The following MDGA2 variants were observed in gnomAD, a reference collection of about 807,000 sequenced individuals.
MDGA2 encodes the protein MAM domain containing glycosylphosphatidylinositol anchor 2.
MDGA2 carries 40 observed loss-of-function variants against 117.8 expected under a neutral mutation model. The ratio of observed to expected loss-of-function variants is 0.34; its 90% CI spans 0.26 to 0.44. The LOEUF (loss-of-function observed/expected upper bound fraction) is 0.44, where lower values mean the gene tolerates loss of function less well. Ranked by LOEUF, MDGA2 falls within the 20% of genes least tolerant of loss-of-function variation. The pLI is 1.00. For missense variants in MDGA2, 1,123 were observed against 1,250.6 expected, an observed-to-expected ratio of 0.90 and a Z score of 1.54; for synonymous variants, 452 against 439.0, an observed-to-expected ratio of 1.03 and a Z score of -0.37.
At chr14:47,111,759 G>T (rs1881050172) in intron 5 of MDGA2, among the ~76,000 whole-genome samples, 1 of 152,076 alleles carries the variant, frequency 6.6e-6, no homozygotes, top group South Asian at 2.1e-4. Flanking sequence ...CTGCCAGCAA[G>T]AAAAGAGTGA....
chr14:47,275,864 G>T (rs1456024388), intron 2 of MDGA2, among the ~76,000 whole-genome samples: 1 of 152,096 alleles, frequency 6.6e-6, no homozygotes, highest in African/African-American at 2.4e-5. Context: ...ATGAGCCAAG[G>T]TCTAAGAGTT....
intron 2 of MDGA2, among the ~76,000 whole-genome samples, chr14:47,225,707 A>C (rs1323115656): frequency 2.0e-5 from 3 of 151,984 alleles, no homozygotes; most frequent in Non-Finnish European, 4.4e-5. Context: ...GATATACCTA[A>C]TGCTAAATGA....
At chr14:47,379,080 G>T (rs1210731650) in intron 1 of MDGA2, among the ~76,000 whole-genome samples, 5 of 152,184 alleles carry the variant, frequency 3.3e-5, no homozygotes, top group Admixed American at 6.5e-5. Context: ...TTAAAGAAAA[G>T]AATTTTCAAC....
intron 2 of MDGA2, among the ~76,000 whole-genome samples, chr14:47,277,429 C>T (rs1888343102): frequency 6.6e-6 from 1 of 152,168 alleles, no homozygotes; most frequent in Non-Finnish European, 1.5e-5. Flanking sequence ...TAGCAATGCT[C>T]TAGCAGATAT....
chr14:47,557,886 T>A (rs11157563), intron 1 of MDGA2, among the ~76,000 whole-genome samples: 47,961 of 152,084 alleles, frequency 0.32, 8,460 homozygotes, highest in East Asian at 0.57. Flanking sequence ...CCTCTCCACA[T>A]TGTTATATAA....
chr14:47,319,113 T>C (rs889838566), intron 1 of MDGA2, among the ~76,000 whole-genome samples: 1 of 152,210 alleles, frequency 6.6e-6, no homozygotes, highest in Admixed American at 6.5e-5. Flanking sequence ...ATGCACATTA[T>C]GATTGTATTA....
chr14:46,979,980 G>A (rs1406987137), intron 8 of MDGA2, among the ~76,000 whole-genome samples: 1 of 152,164 alleles, frequency 6.6e-6, no homozygotes, highest in Non-Finnish European at 1.5e-5. Context: ...AAGAGGAGAA[G>A]TCAATGCATG....
chr14:47,099,614 T>G (rs1264630347), intron 5 of MDGA2, among the ~76,000 whole-genome samples: 1 of 151,906 alleles, frequency 6.6e-6, no homozygotes, highest in Non-Finnish European at 1.5e-5. Context: ...AAAAGTGTCA[T>G]GATTGCATTC....
chr14:47,454,289 C>T (rs1893301971), intron 1 of MDGA2, among the ~76,000 whole-genome samples: 2 of 152,180 alleles, frequency 1.3e-5, no homozygotes, highest in South Asian at 4.1e-4. Context: ...TTCTCTTTCC[C>T]TCTGAACTGC....
Position 47,130,521 on chromosome 14 carries a change from G to A in MDGA2, c.925+1193C>T, listed in dbSNP as rs576095508. 6.6e-5 allele frequency among the ~76,000 whole-genome samples: 10 copies of A among 152,206 alleles called. No individual in the cohort carries two copies. In the South Asian group the frequency reaches 1.9e-3, roughly 28 times the overall value. On this transcript the variant is annotated intron_variant, in intron 5 of 16. Coordinates refer to ENST00000399232, the MANE Select transcript of MDGA2 (RefSeq NM_001113498.3). ...GAACATTTTGAAATCTTGGCAACTC[G>A]ATGGAACACATGTTGATGAACCAAT...
intron 6 of MDGA2, among the ~76,000 whole-genome samples, chr14:47,089,538 G>T (rs868544614): frequency 3.5e-4 from 54 of 152,118 alleles, no homozygotes; most frequent in African/African-American, 1.1e-3. Context: ...GCCACACCAG[G>T]CTAATTTCTG....
chr14:47,006,727 AT>A (rs1566571106), intron 8 of MDGA2, among the ~76,000 whole-genome samples: 3 of 151,554 alleles, frequency 2.0e-5, no homozygotes, highest in Admixed American at 2.0e-4. Flanking sequence ...ATTTTCTATT[AT>A]TTTTTAAGCT....
chr14:47,472,395 G>T (rs1216413371), intron 1 of MDGA2, among the ~76,000 whole-genome samples: 1 of 152,160 alleles, frequency 6.6e-6, no homozygotes, highest in African/African-American at 2.4e-5. Flanking sequence ...AATCTGTGCA[G>T]CAAGTTACTG....
At chr14:47,507,301 C>T (rs1894533458) in intron 1 of MDGA2, among the ~76,000 whole-genome samples, 1 of 151,912 alleles carries the variant, frequency 6.6e-6, no homozygotes, top group Admixed American at 6.6e-5. Flanking sequence ...ATTTAGAAGA[C>T]AGAATTATGA....
chr14:47,068,324 G>A (rs1338491380), intron 6 of MDGA2, among the ~76,000 whole-genome samples: 1 of 150,944 alleles, frequency 6.6e-6, no homozygotes, highest in Non-Finnish European at 1.5e-5. Context: ...TCTTAAGAAG[G>A]GGGAAAAAGT....
chr14:46,989,977 A>G (rs1887022359), intron 8 of MDGA2, among the ~76,000 whole-genome samples: 1 of 152,140 alleles, frequency 6.6e-6, no homozygotes, highest in African/African-American at 2.4e-5. Context: ...TATACAACAA[A>G]GTATTTGCTT....
Position 47,523,565 on chromosome 14 carries a change from C to T in MDGA2, c.280+150952G>A, listed in dbSNP as rs532999576. Among the ~76,000 whole-genome samples, 11 of 152,008 alleles carry T rather than the reference C, an allele frequency of 7.2e-5. No individual in the cohort carries two copies. In the South Asian group the frequency reaches 1.5e-3, roughly 20 times the overall value. On this transcript the variant is annotated intron_variant, in intron 1 of 16. Coordinates refer to ENST00000399232, the MANE Select transcript of MDGA2 (RefSeq NM_001113498.3). ...GATCCATGGAATCTTCAGGTTGTCT[C>T]GATATAAATTCAAATGAAACTGTGA...
chr14:47,577,702 T>A (rs4900785), intron 1 of MDGA2, among the ~76,000 whole-genome samples: 42,490 of 152,074 alleles, frequency 0.28, 6,496 homozygotes, highest in Non-Finnish European at 0.35. Flanking sequence ...ACATCACTGA[T>A]CATTAGAGAA....
intron 1 of MDGA2, among the ~76,000 whole-genome samples, chr14:47,478,076 C>G (rs1893879914): frequency 6.6e-6 from 1 of 152,178 alleles, no homozygotes; most frequent in African/African-American, 2.4e-5. Flanking sequence ...ATGGACAAGA[C>G]TTCTTGTATT....
Sources: gnomAD v4.1 joint callset for allele counts (sites outside exome capture counted in the v4.1 genomes callset) on GRCh38, gnomAD v4.1.1 for gene constraint, MANE v1.5 for transcripts, NCBI Gene and HGNC (gene_info 2026-07-23, HGNC 2026-07-21) for gene names.